TNFRSF21: variants seen among roughly 807,000 people sequenced by gnomAD.
TNFRSF21 encodes the protein tumor necrosis factor receptor superfamily member 21.
In TNFRSF21, 19 loss-of-function variants were observed where a neutral mutation model predicts 45.6. The ratio of observed to expected loss-of-function variants is 0.42; its 90% confidence interval spans 0.29 to 0.61. The LOEUF is 0.61. Ranked by LOEUF, TNFRSF21 falls within the 20% of genes least tolerant of loss-of-function variation. The pLI is 0.23. For synonymous variants in TNFRSF21, 314 were observed against 335.5 expected (o/e 0.94, Z 0.70); for missense variants, 737 against 851.5 (o/e 0.87, Z 1.67).
At chr6:47,244,441 C>A (rs1344394426) in intron 4 of TNFRSF21, among the ~76,000 whole-genome samples, 7 of 151,730 alleles carry the variant, frequency 4.6e-5, no homozygotes, top group South Asian at 4.2e-4. Context: ...AGAAACTGAA[C>A]CCTATGTTTC....
intron 3 of TNFRSF21, among the ~76,000 whole-genome samples, chr6:47,271,778 C>T (rs548905130): frequency 1.3e-4 from 19 of 151,984 alleles, no homozygotes; most frequent in South Asian, 6.2e-4. Flanking sequence ...CCATCTCACA[C>T]GCACACACAC....
intron 1 of TNFRSF21, among the ~76,000 whole-genome samples, chr6:47,295,297 C>A (rs541261758): frequency 1.8e-4 from 27 of 152,326 alleles, no homozygotes; most frequent in African/African-American, 6.3e-4. Flanking sequence ...ATTCTTACTC[C>A]ATGACCTCAT....
chr6:47,300,346 G>A (rs987874999), intron 1 of TNFRSF21, among the ~76,000 whole-genome samples: 12 of 151,728 alleles, frequency 7.9e-5, no homozygotes, highest in Admixed American at 3.9e-4. Context: ...TTCCTATCTC[G>A]CCATCAGCAA....
chr6:47,309,002 G>A (rs6458554), intron 1 of TNFRSF21, among the ~76,000 whole-genome samples: 1 of 151,972 alleles, frequency 6.6e-6, no homozygotes, highest in Non-Finnish European at 1.5e-5. Flanking sequence ...TCGGCCGGCC[G>A]TGGGAGCCCC....
chr6:47,295,237 C>G (rs1371392869), intron 1 of TNFRSF21, among the ~76,000 whole-genome samples: 1 of 152,186 alleles, frequency 6.6e-6, no homozygotes, highest in Admixed American at 6.5e-5. Context: ...AAGAAGCACT[C>G]AGATTTGCAA....
chr6:47,268,796 C>T (rs535871798), intron 3 of TNFRSF21, among the ~76,000 whole-genome samples: 1 of 152,254 alleles, frequency 6.6e-6, no homozygotes, highest in South Asian at 2.1e-4. Flanking sequence ...GCCTTCCATC[C>T]CCACCTCATC....
chr6:47,273,916 G>A (rs893061799), intron 3 of TNFRSF21, among the ~76,000 whole-genome samples: 1 of 152,068 alleles, frequency 6.6e-6, no homozygotes, highest in Admixed American at 6.6e-5. Flanking sequence ...AAATACCTAG[G>A]AATCCAACTT....
rs188879088 is a variant in TNFRSF21, at chr6:47,273,889, T to G, written c.1243+10049A>C. The stretch of plus-strand genomic sequence containing the variant: ...ATCATGAGTGAACTTCCATTCACAA[T>G]TGCTATAAAGAAAATAAAATACCTA... On this transcript the variant is annotated intron_variant, in intron 3 of 5. Coordinates refer to ENST00000296861, the MANE Select transcript of TNFRSF21 (RefSeq NM_014452.5). 6.0e-4 allele frequency among the ~76,000 whole-genome samples: 92 copies of G among 152,290 alleles called. No homozygotes were observed. In the East Asian group the frequency reaches 0.016, roughly 26 times the overall value.
chr6:47,300,342 T>C (rs566570034), intron 1 of TNFRSF21, among the ~76,000 whole-genome samples: 13 of 152,148 alleles, frequency 8.5e-5, no homozygotes, highest in Non-Finnish European at 1.6e-4. Flanking sequence ...CTCCTTCCTA[T>C]CTCGCCATCA....
intron 4 of TNFRSF21, 109 bp downstream of exon 4, chr6:47,253,147 T>TGC: frequency 1.5e-6 from 2 of 1,311,180 alleles, no homozygotes; most frequent in Non-Finnish European, 2.1e-6. Flanking sequence ...TGTGTGTGTG[T>TGC]GCCTATCCAC....
At chr6:47,302,484 C>A (rs949402263) in intron 1 of TNFRSF21, among the ~76,000 whole-genome samples, 2 of 152,164 alleles carry the variant, frequency 1.3e-5, no homozygotes, top group African/African-American at 4.8e-5. Context: ...AGCAAAGGAT[C>A]CATTCCCTAT....
chr6:47,303,411 G>A (rs2113871332), intron 1 of TNFRSF21, among the ~76,000 whole-genome samples: 1 of 152,230 alleles, frequency 6.6e-6, no homozygotes, highest in Middle Eastern at 3.4e-3. Context: ...CCCACACCCT[G>A]CTCAGTCCCA....
intron 2 of TNFRSF21, 133 bp from the exon 3 acceptor site, chr6:47,284,565 AT>A: frequency 9.3e-7 from 1 of 1,072,930 alleles, no homozygotes; most frequent in Non-Finnish European, 1.2e-6. Context: ...TTAAGAATAA[AT>A]TGTGTTGCAC....
intron 3 of TNFRSF21, among the ~76,000 whole-genome samples, chr6:47,262,827 A>G (rs1263169619): frequency 1.3e-5 from 2 of 152,130 alleles, no homozygotes; most frequent in East Asian, 3.9e-4. Flanking sequence ...GAGAGAAAAA[A>G]TTGGAGTCAG....
chr6:47,250,996 T>C (rs2113848998), intron 4 of TNFRSF21, among the ~76,000 whole-genome samples: 1 of 152,380 alleles, frequency 6.6e-6, no homozygotes, highest in East Asian at 1.9e-4. Context: ...GTAAGGTATA[T>C]GTGAAACATA....
chr6:47,308,926 G>C (rs1413405033), intron 1 of TNFRSF21, among the ~76,000 whole-genome samples: 1 of 152,196 alleles, frequency 6.6e-6, no homozygotes, highest in Non-Finnish European at 1.5e-5. Flanking sequence ...GGCGCGCACC[G>C]GTACCACTGT....
At position 47,286,385 on chromosome 6, in the gene TNFRSF21, T is replaced by C. The variant is rs754324198; in HGVS notation, c.307A>G (p.Ile103Val). ...TGACTACAGTCATGGCATTTCTCTA[T>C]GCCATTCTCATGCCTGGTAAAGGTC... is the stretch of plus-strand genomic sequence containing the variant. Reference protein sequence around the residue: ...VGTFTRHENGIEKCHDCSQPC... With the variant: ...VGTFTRHENGVEKCHDCSQPC... The change falls in exon 2 of 6, where the codon ATA (isoleucine) becomes GTA (valine). Residue 103 changes from isoleucine to valine, a missense_variant. Transcript: ENST00000296861. 4.6e-5 allele frequency: 74 copies of C among 1,614,122 alleles called. No individual in the cohort carries two copies. The highest frequency in any genetic ancestry group is 5.8e-5 in the Non-Finnish European group (69 of 1,180,052).
At chr6:47,289,926 G>A (rs1016748992) in intron 1 of TNFRSF21, among the ~76,000 whole-genome samples, 5 of 152,064 alleles carry the variant, frequency 3.3e-5, no homozygotes, top group Admixed American at 6.6e-5. Flanking sequence ...CCTGGGAGGC[G>A]GAGGTTGCAG....
intron 1 of TNFRSF21, among the ~76,000 whole-genome samples, chr6:47,291,254 T>A (rs1175073047): frequency 3.9e-5 from 6 of 152,214 alleles, no homozygotes; most frequent in African/African-American, 9.6e-5. Flanking sequence ...CTGAAGAGTC[T>A]CCATGTGCTG....
Sources: allele counts gnomAD v4.1 joint callset (sites outside exome capture counted in the v4.1 genomes callset), GRCh38; gene constraint gnomAD v4.1.1; transcripts MANE v1.5; gene names NCBI Gene and HGNC (gene_info 2026-07-23, HGNC 2026-07-21).